Variants in PARVA observed in about 807,000 individuals in gnomAD.
The protein encoded by PARVA is alpha-parvin.
In PARVA, 25 loss-of-function variants were observed where a neutral mutation model predicts 52.6. That is an observed-to-expected ratio of 0.48 (90% CI 0.35 to 0.66). The LOEUF (loss-of-function observed/expected upper bound fraction) is 0.66. Among genes scored for constraint, PARVA ranks in the 30% least tolerant of loss-of-function variants. The pLI, the probability that PARVA is intolerant of heterozygous loss-of-function variation, is 0.01. For synonymous variants in PARVA, 185 were observed against 179.1 expected (o/e 1.03, Z -0.26); for missense variants, 373 against 450.9 (o/e 0.83, Z 1.56).
At chr11:12,466,256 T>C (rs1940852326) in intron 1 of PARVA, among the ~76,000 whole-genome samples, 1 of 152,220 alleles carries the variant, frequency 6.6e-6, no homozygotes, top group South Asian at 2.1e-4. Flanking sequence ...ATGCCTTGTC[T>C]TTTCATTCTC....
intron 5 of PARVA, among the ~76,000 whole-genome samples, chr11:12,502,773 T>G (rs1482346536): frequency 1.3e-5 from 2 of 151,840 alleles, no homozygotes; most frequent in African/African-American, 4.8e-5. Context: ...AGGAAAAAAA[T>G]TAAGACTATC....
chr11:12,381,382 C>T (rs751884700), intron 1 of PARVA, among the ~76,000 whole-genome samples: 3 of 152,216 alleles, frequency 2.0e-5, no homozygotes, highest in Non-Finnish European at 2.9e-5. Context: ...TGCCATCAGT[C>T]TGTCCACAGA....
intron 4 of PARVA, among the ~76,000 whole-genome samples, chr11:12,490,960 A>G (rs1323243855): frequency 2.6e-5 from 4 of 152,130 alleles, no homozygotes; most frequent in African/African-American, 9.7e-5. Context: ...TAACCTCCCT[A>G]CTAATCATGG....
chr11:12,458,300 A>G (rs1298798624), intron 1 of PARVA, among the ~76,000 whole-genome samples: 1 of 152,226 alleles, frequency 6.6e-6, no homozygotes, highest in African/African-American at 2.4e-5. Flanking sequence ...TTCTCAGGAC[A>G]GTGTCATACC....
At chr11:12,395,267 C>G (rs1286429531) in intron 1 of PARVA, among the ~76,000 whole-genome samples, 1 of 152,154 alleles carries the variant, frequency 6.6e-6, no homozygotes, top group East Asian at 1.9e-4. Context: ...AAAAAAAAGA[C>G]TTTAATGAAT....
chr11:12,410,585 C>A (rs926480067), intron 1 of PARVA, among the ~76,000 whole-genome samples: 1 of 152,212 alleles, frequency 6.6e-6, no homozygotes, highest in Non-Finnish European at 1.5e-5. Flanking sequence ...CTCGTTGCTT[C>A]TCCTCCTCCT....
At chr11:12,386,490 T>TCC in intron 1 of PARVA, among the ~76,000 whole-genome samples, 1 of 152,340 alleles carries the variant, frequency 6.6e-6, no homozygotes, top group South Asian at 2.1e-4. Flanking sequence ...TCCTCTGTGA[T>TCC]CCCACAGTGC....
intron 12 of PARVA, among the ~76,000 whole-genome samples, chr11:12,524,627 A>G (rs1452224043): frequency 6.6e-6 from 1 of 152,066 alleles, no homozygotes; most frequent in Admixed American, 6.5e-5. Context: ...CTCCCAAGTC[A>G]CCTGCTGGGC....
intron 1 of PARVA, among the ~76,000 whole-genome samples, chr11:12,427,417 C>G (rs115597930): frequency 1.3e-5 from 2 of 152,130 alleles, no homozygotes; most frequent in Non-Finnish European, 2.9e-5. Context: ...AAATCCCTTC[C>G]TAGCACAGAA....
At chr11:12,469,385 A>G (rs1314715885) in intron 1 of PARVA, among the ~76,000 whole-genome samples, 1 of 152,172 alleles carries the variant, frequency 6.6e-6, no homozygotes, top group Non-Finnish European at 1.5e-5. Flanking sequence ...TTATTAAGTT[A>G]TGACTTAATG....
At chr11:12,511,489 T>C (rs776352899) in intron 7 of PARVA, 25 bp from the exon 8 acceptor site, 3 of 1,611,072 alleles carry the variant, frequency 1.9e-6, no homozygotes, top group Admixed American at 3.3e-5. Context: ...AGAGTCACAC[T>C]ATTTTCTTTC....
intron 1 of PARVA, among the ~76,000 whole-genome samples, chr11:12,466,508 G>A (rs1940856290): frequency 6.6e-6 from 1 of 151,882 alleles, no homozygotes; most frequent in Non-Finnish European, 1.5e-5. Context: ...GTTTCACTAT[G>A]TTGGCCAGGC....
At position 12,472,960 on chromosome 11, in the gene PARVA, G is replaced by A. The variant is rs115985324; in HGVS notation, c.137-785G>A. On this transcript the variant is annotated intron_variant, in intron 1 of 12. Coordinates refer to ENST00000334956, the MANE Select transcript of PARVA (RefSeq NM_018222.5). ...GTGGGGGCTGGTCACTTGGAGGAGC[G>A]TGGGCTGGTAATCTTTGGTAGTTTT... is the stretch of plus-strand genomic sequence containing the variant. Among the ~76,000 whole-genome samples, 701 of 152,284 alleles carry A rather than the reference G, an allele frequency of 4.6e-3. 5 individuals are homozygous for A. The highest frequency in any genetic ancestry group is 0.016 in the African/African-American group (659 of 41,554).
rs774844111 is a variant in PARVA at position 12,496,558 on chromosome 11, C to T, written c.501C>T (p.Thr167=). ...CTGTCCTGGAGAAGATCAATGAAACCCTGAAACTTCCTCCCAGGAGCATCA... is the reference window on the plus strand; with the variant it reads ...CTGTCCTGGAGAAGATCAATGAAACTCTGAAACTTCCTCCCAGGAGCATCA... ...LQTVLEKINE[T]LKLPPRSIKW... The change falls in exon 5 of 13, where the codon ACC becomes ACT. Residue 167 remains threonine, a synonymous_variant. Transcript: ENST00000334956. 1 of 1,611,924 alleles carries T rather than the reference C, an allele frequency of 6.2e-7. No homozygotes were observed.
chr11:12,454,073 G>A (rs1175890060), intron 1 of PARVA, among the ~76,000 whole-genome samples: 1 of 152,174 alleles, frequency 6.6e-6, no homozygotes, highest in Non-Finnish European at 1.5e-5. Context: ...AACTTGGGGG[G>A]AAAACAGGAG....
intron 1 of PARVA, among the ~76,000 whole-genome samples, chr11:12,431,303 A>G (rs965452910): frequency 6.6e-6 from 1 of 152,178 alleles, no homozygotes; most frequent in Non-Finnish European, 1.5e-5. Flanking sequence ...GCATTGTTAC[A>G]TATCTGTCAC....
intron 1 of PARVA, among the ~76,000 whole-genome samples, chr11:12,422,056 A>T (rs760401676): frequency 6.6e-6 from 1 of 152,204 alleles, no homozygotes; most frequent in Non-Finnish European, 1.5e-5. Context: ...ATCATCTTCT[A>T]TGTACAATTT....
At chr11:12,466,659 T>TC (rs1342787595) in intron 1 of PARVA, among the ~76,000 whole-genome samples, 2 of 152,070 alleles carry the variant, frequency 1.3e-5, no homozygotes, top group African/African-American at 4.8e-5. Flanking sequence ...TCATTGATTA[T>TC]CCTTTTGGTG....
At chr11:12,457,093 C>CATCA (rs1169113340) in intron 1 of PARVA, among the ~76,000 whole-genome samples, 2 of 152,210 alleles carry the variant, frequency 1.3e-5, no homozygotes, top group African/African-American at 4.8e-5. Flanking sequence ...ATGAGGCTCT[C>CATCA]ATCACATTGC....
Sources: gnomAD v4.1 joint callset for allele counts (sites outside exome capture counted in the v4.1 genomes callset) on GRCh38, gnomAD v4.1.1 for gene constraint, MANE v1.5 for transcripts, NCBI Gene and HGNC (gene_info 2026-07-23, HGNC 2026-07-21) for gene names.